TSFM: variants seen among roughly 807,000 people sequenced by gnomAD.
TSFM encodes the protein Ts translation elongation factor, mitochondrial, also known as elongation factor Ts, mitochondrial.
A neutral mutation model predicts 33.4 loss-of-function variants in TSFM; 29 were observed. The ratio of observed to expected loss-of-function variants is 0.87; its 90% CI spans 0.65 to 1.18. The LOEUF (loss-of-function observed/expected upper bound fraction) is 1.18, where lower values mean the gene tolerates loss of function less well. Among genes scored for constraint, TSFM ranks in the 50% most tolerant of loss-of-function variants. The pLI is 0.00. For missense variants in TSFM, 394 were observed against 395.6 expected, an observed-to-expected ratio of 1.00 and a Z score of 0.04; for synonymous variants, 178 against 163.5, an observed-to-expected ratio of 1.09 and a Z score of -0.68.
chr12:57,792,207 G>A lies in TSFM; in HGVS notation c.484-779G>A, dbSNP rs192052597. Among the ~76,000 whole-genome samples, 26 of 150,240 alleles carry A rather than the reference G, an allele frequency of 1.7e-4. No homozygotes were observed. The South Asian group carries it at 2.9e-3, about 17-fold the overall frequency. ...TGCAGTAAGCTGAAATCATGCCACC[G>A]CACTCCAGCCTGGGCGGCAGAGCGA... On this transcript the variant is annotated intron_variant, in intron 4 of 5. Coordinates refer to ENST00000652027, the MANE Select transcript of TSFM (RefSeq NM_005726.6).
At chr12:57,799,952 A>G (rs762501314), downstream of TSFM, 6 of 1,612,896 alleles carry the variant, frequency 3.7e-6, no homozygotes, top group Admixed American at 3.3e-5. Flanking sequence ...GCACAGGGAA[A>G]AGACTCCTCA....
At chr12:57,787,664 C>T (rs1346482433) in intron 4 of TSFM, among the ~76,000 whole-genome samples, 1 of 152,142 alleles carries the variant, frequency 6.6e-6, no homozygotes, top group African/African-American at 2.4e-5. Flanking sequence ...TGTGGTGGCT[C>T]ACCCCTGTAA....
intron 4 of TSFM, chr12:57,791,960 GC>G: frequency 2.7e-6 from 1 of 374,424 alleles, no homozygotes; most frequent in Non-Finnish European, 5.4e-6. Context: ...ATTGTTCTTG[GC>G]CAGGTGCAGT....
At chr12:57,786,324 A>T in intron 3 of TSFM, 33 bp downstream of exon 3, 1 of 1,602,224 alleles carries the variant, frequency 6.2e-7, no homozygotes, top group Non-Finnish European at 8.5e-7. Context: ...TACCAAGAAC[A>T]GCTGTCCCTT....
At chr12:57,795,626 T>G (rs1955725126) in intron 5 of TSFM, among the ~76,000 whole-genome samples, 1 of 151,744 alleles carries the variant, frequency 6.6e-6, no homozygotes, top group Non-Finnish European at 1.5e-5. Flanking sequence ...GTTTTTTTTG[T>G]TTTTTTTGTT....
intron 2 of TSFM, chr12:57,783,574 C>T (rs1175517197): frequency 9.4e-6 from 6 of 636,884 alleles, no homozygotes; most frequent in South Asian, 1.5e-5. Flanking sequence ...ATTGTGGGGC[C>T]CCCACACTGT....
At chr12:57,802,681 A>C, downstream of TSFM, 1 of 628,928 alleles carries the variant, frequency 1.6e-6, no homozygotes, top group South Asian at 1.8e-5. Flanking sequence ...GCTCTTCTTT[A>C]CTAAACTTGT....
At chr12:57,790,496 T>C (rs1288870005) in intron 4 of TSFM, among the ~76,000 whole-genome samples, 1 of 152,232 alleles carries the variant, frequency 6.6e-6, no homozygotes, top group East Asian at 1.9e-4. Flanking sequence ...TTTTTAGTTA[T>C]GTACTCATAT....
intron 2 of TSFM, chr12:57,783,905 C>T (rs546287900): frequency 1.9e-5 from 13 of 699,504 alleles, no homozygotes; most frequent in Middle Eastern, 2.3e-4. Flanking sequence ...AGTGAGCCAC[C>T]GCGCCCGGCT....
intron 5 of TSFM, among the ~76,000 whole-genome samples, chr12:57,795,787 GT>G (rs949979855): frequency 3.3e-5 from 5 of 151,862 alleles, no homozygotes; most frequent in Non-Finnish European, 7.4e-5. Context: ...GCTGATTTTT[GT>G]ATTTTTAGTA....
downstream of TSFM, chr12:57,802,335 A>T (rs143252193): frequency 1.9e-6 from 3 of 1,612,020 alleles, no homozygotes; most frequent in South Asian, 2.2e-5. Context: ...CTCAGCCCCA[A>T]TCCACAAGAA....
chr12:57,800,754 CAT>C (rs1423658681), downstream of TSFM: 1 of 160,956 alleles, frequency 6.2e-6, no homozygotes, highest in Non-Finnish European at 1.4e-5. Context: ...ACTACAGGCG[CAT>C]GCCACCACGG....
At position 57,789,308 on chromosome 12, in the gene TSFM, C is replaced by A. The variant is rs181190348; in HGVS notation, c.483+2146C>A. ...AATCTTTTTGTAAGTATGTTGCAGA[C>A]ATCAGGATCCTTTATTCCTTCAGCA... On this transcript the variant is annotated intron_variant, in intron 4 of 5. Coordinates refer to ENST00000652027, the MANE Select transcript of TSFM (RefSeq NM_005726.6). Among the ~76,000 whole-genome samples, 121 of 151,970 alleles carry A rather than the reference C, an allele frequency of 8.0e-4. 1 individual carries two copies. The highest frequency in any genetic ancestry group is 3.4e-3 in the Middle Eastern group (1 of 290).
At position 57,796,443 on chromosome 12, in the gene TSFM, G is replaced by A; in HGVS notation, c.838G>A (p.Glu280Lys). Residue 280 changes from glutamate (E) to lysine (K), a missense_variant, in exon 6 of 6, where the codon GAG becomes AAG. Glu to Lys is a moderately conservative substitution (Grantham distance 56, BLOSUM62 1). Coordinates refer to ENST00000652027, the MANE Select transcript of TSFM (RefSeq NM_005726.6). ...SLDDEPGGEA[E>K]TKMLSQPYLL... ...GGACGATGAGCCTGGGGGAGAGGCAGAGACTAAGATGCTGTCCCAGCCGTA... is the reference window on the plus strand; with the variant it reads ...GGACGATGAGCCTGGGGGAGAGGCAAAGACTAAGATGCTGTCCCAGCCGTA... The A allele has an allele frequency of 6.2e-7, 1 of 1,601,510 alleles. No homozygotes were observed. Among genetic ancestry groups the A allele is most frequent in the East Asian group, 2.2e-5 (1 of 44,464 alleles).
intron 4 of TSFM, among the ~76,000 whole-genome samples, chr12:57,792,279 TG>T (rs1955672868): frequency 6.6e-6 from 1 of 152,176 alleles, no homozygotes; most frequent in Non-Finnish European, 1.5e-5. Flanking sequence ...CCAGGTGCAG[TG>T]GCTTACGCCT....
At chr12:57,801,416 C>G (rs1358315350), downstream of TSFM, 3 of 438,016 alleles carry the variant, frequency 6.8e-6, no homozygotes, top group Admixed American at 1.2e-4. Flanking sequence ...TTGATGGTAA[C>G]CCCTCAGTCC....
chr12:57,793,019 C>T lies in TSFM; in HGVS notation c.517C>T (p.Pro173Ser), dbSNP rs201787594. The T allele has an allele frequency of 1.1e-5, 17 of 1,613,774 alleles. No individual in the cohort carries two copies. The African/African-American group carries it at 1.7e-4, about 16-fold the overall frequency. ...GAATTCCTCTGAGCTTTCTGGACTT[C>T]CAGCTGGGCCTGACAGAGAAGGCTC... Reference protein sequence around the residue: ...FLNSSELSGLPAGPDREGSLK... With the variant: ...FLNSSELSGLSAGPDREGSLK... Residue 173 changes from proline to serine, a missense_variant, in exon 5 of 6, where the codon CCA becomes TCA. Physicochemically the swap from Pro to Ser is moderately conservative, Grantham distance 74. This residue lies in a region of TSFM where 186 missense variants were observed against 198.8 expected (regional missense o/e 0.94). Transcript: ENST00000652027.
chr12:57,783,203 A>C lies in TSFM; in HGVS notation c.151A>C (p.Met51Leu). Residue 51 changes from methionine to leucine, a missense_variant, in exon 2 of 6, where the codon ATG (methionine) becomes CTG (leucine). By Grantham distance (15) the Met-to-Leu change is conservative (BLOSUM62 2). Around this residue, in one of 3 missense-constraint regions of TSFM, gnomAD observed 208 missense variants for 180.4 expected, o/e 1.15. Transcript: ENST00000652027. ...CTCGGCCTCCAGCAAGGAGCTCCTC[A>C]TGAAGCTGCGGCGGAAAACAGGCTA... Reference protein sequence around the residue: ...SASASSKELLMKLRRKTGYSF... With the variant: ...SASASSKELLLKLRRKTGYSF... 2 of 1,613,778 alleles carry C rather than the reference A, an allele frequency of 1.2e-6. No homozygotes were observed. The highest frequency in any genetic ancestry group is 1.7e-6 in the Non-Finnish European group (2 of 1,179,888).
chr12:57,792,629 G>C (rs185743074), intron 4 of TSFM, among the ~76,000 whole-genome samples: 2 of 150,172 alleles, frequency 1.3e-5, no homozygotes, highest in African/African-American at 2.5e-5. Context: ...TCTCAATTCT[G>C]TTTCCCCGGC....
Sources: allele counts gnomAD v4.1 joint callset (sites outside exome capture counted in the v4.1 genomes callset), GRCh38; gene constraint gnomAD v4.1.1; regional missense constraint gnomAD v4.1.1; transcripts MANE v1.5; gene names NCBI Gene and HGNC (gene_info 2026-07-23, HGNC 2026-07-21).